CC2D1B: variants seen among roughly 807,000 people sequenced by gnomAD.
The protein encoded by CC2D1B is coiled-coil and C2 domain-containing protein 1B.
CC2D1B carries 92 observed loss-of-function variants against 110.8 expected under a neutral mutation model. That is an observed-to-expected ratio of 0.83 (90% CI 0.70 to 0.99). The LOEUF (loss-of-function observed/expected upper bound fraction) is 0.99, where lower values mean the gene tolerates loss of function less well. Ranked by LOEUF, CC2D1B falls within the 50% of genes least tolerant of loss-of-function variation. CC2D1B has a pLI of 0.00. For synonymous variants in CC2D1B, 406 were observed against 429.2 expected, an observed-to-expected ratio of 0.95 and a Z score of 0.67; for missense variants, 1,136 against 1,089.0, an observed-to-expected ratio of 1.04 and a Z score of -0.61.
At chr1:52,363,481 A>G (rs1646826564) in intron 2 of CC2D1B, among the ~76,000 whole-genome samples, 1 of 152,156 alleles carries the variant, frequency 6.6e-6, no homozygotes, top group Non-Finnish European at 1.5e-5. Context: ...AACCACTGTT[A>G]AGGGTGAGTT....
rs1310671368 is a variant in CC2D1B at position 52,353,080 on chromosome 1, G to C, written c.*145C>G. 5.1e-6 allele frequency: 4 copies of C among 785,536 alleles called. No homozygotes were observed. In the African/African-American group the frequency reaches 7.2e-5, roughly 14 times the overall value. The allele number at this position is 785,536 out of a possible 1,614,324, so 48.7% of individuals were successfully genotyped here. On this transcript the variant is annotated 3_prime_UTR_variant, in exon 25 of 25. Coordinates refer to ENST00000284376, the MANE Select transcript of CC2D1B (RefSeq NM_001330585.2). ...CAACAACAGGAAAGACCAGAGTCGTGGTCAGTAGTGCACATGCTTAACAGG... is the reference window on the plus strand; with the variant it reads ...CAACAACAGGAAAGACCAGAGTCGTCGTCAGTAGTGCACATGCTTAACAGG...
intron 18 of CC2D1B, 101 bp from the exon 19 acceptor site, chr1:52,355,945 G>A: frequency 8.1e-7 from 1 of 1,234,458 alleles, no homozygotes. Flanking sequence ...GTGGTGACGG[G>A]AGGGAAGGCA....
rs200882223 is a variant in CC2D1B at position 52,359,538 on chromosome 1, C to G, written c.943-4G>C. Reference sequence around the variant, plus strand: ...CCTCCAGGACAGCACCGAATCTCTGCAGAAGTTGGAAAAGCAGGTGTGGGT... The same window carrying G: ...CCTCCAGGACAGCACCGAATCTCTGGAGAAGTTGGAAAAGCAGGTGTGGGT... On this transcript the variant is annotated splice_region_variant and splice_polypyrimidine_tract_variant and intron_variant, in intron 8 of 24. Transcript: ENST00000284376. The G allele has an allele frequency of 4.3e-6, 7 of 1,613,286 alleles. No individual in the cohort carries two copies. Among genetic ancestry groups the G allele is most frequent in the Non-Finnish European group, 5.9e-6 (7 of 1,179,774 alleles).
In CC2D1B at chr1:52,355,386, T is replaced by G; in HGVS notation, c.2239+12A>C. ...CTGAGGGAGGAGAAAGAGGCCCACGTGTGGCCCTCACCTGGAGAGTTTGTG... is the reference window on the plus strand; with the variant it reads ...CTGAGGGAGGAGAAAGAGGCCCACGGGTGGCCCTCACCTGGAGAGTTTGTG... On this transcript the variant is annotated intron_variant, in intron 21 of 24. Transcript: ENST00000284376. The G allele has an allele frequency of 6.2e-7, 1 of 1,613,530 alleles. No homozygotes were observed. The highest frequency in any genetic ancestry group is 8.5e-7 in the Non-Finnish European group (1 of 1,179,592).
chr1:52,359,517 C>G lies in CC2D1B; in HGVS notation c.960G>C (p.Leu320=), dbSNP rs138072459. 1 of 1,614,008 alleles carries G rather than the reference C, an allele frequency of 6.2e-7. No individual in the cohort carries two copies. Among genetic ancestry groups the G allele is most frequent in the African/African-American group, 1.3e-5 (1 of 75,064 alleles). ...CGGGCTGCCCCTTCTCCAGGGCCTC[C>G]AGGACAGCACCGAATCTCTGCAGAA... is the stretch of plus-strand genomic sequence containing the variant. ...MRIGKRFGAV[L]EALEKGQPVD... Residue 320 remains leucine (L), a synonymous_variant, in exon 9 of 25, where the codon CTG becomes CTC. Coordinates refer to ENST00000284376, the MANE Select transcript of CC2D1B (RefSeq NM_001330585.2).
At chr1:52,361,264 C>G (rs1646777318) in intron 4 of CC2D1B, 132 bp from the exon 5 acceptor site, 2 of 1,246,894 alleles carry the variant, frequency 1.6e-6, no homozygotes, top group Non-Finnish European at 2.2e-6. Context: ...TCCCCTTCAC[C>G]AAAACATTTC....
intron 24 of CC2D1B, 78 bp from the exon 25 acceptor site, chr1:52,353,301 A>AGAT (rs1646565336): frequency 2.2e-6 from 3 of 1,344,968 alleles, no homozygotes; most frequent in African/African-American, 3.4e-5. Flanking sequence ...GGTTTCCTGA[A>AGAT]GATAGATAGA....
At chr1:52,357,929 G>C (rs764435562) in intron 13 of CC2D1B, 31 bp from the exon 14 acceptor site, 1 of 1,530,352 alleles carries the variant, frequency 6.5e-7, no homozygotes, top group Non-Finnish European at 8.7e-7. Context: ...GTTAGGAGGG[G>C]ATGTGTTCCC....
rs762863626 is a variant in CC2D1B, at chr1:52,361,142, C to G, written c.319-10G>C. 1 of 1,613,772 alleles carries G rather than the reference C, an allele frequency of 6.2e-7. No homozygotes were observed. The highest frequency in any genetic ancestry group is 8.5e-7 in the Non-Finnish European group (1 of 1,179,910). ...CCTCCTGCAGCTCCGTCTAGGGAGACAAAACACAGCCCAGGAGCTTGGGGG... is the reference window on the plus strand; with the variant it reads ...CCTCCTGCAGCTCCGTCTAGGGAGAGAAAACACAGCCCAGGAGCTTGGGGG... On this transcript the variant is annotated splice_polypyrimidine_tract_variant and intron_variant, in intron 4 of 24. Transcript: ENST00000284376.
At chr1:52,357,335 C>T (rs1258748812) in intron 15 of CC2D1B, among the ~76,000 whole-genome samples, 191 bp downstream of exon 15, 1 of 152,246 alleles carries the variant, frequency 6.6e-6, no homozygotes, top group Non-Finnish European at 1.5e-5. Context: ...AGGCAGCCCA[C>T]CTTCCCTTCT....
intron 5 of CC2D1B, 29 bp downstream of exon 5, chr1:52,360,945 A>G (rs769007218): frequency 1.4e-5 from 23 of 1,612,594 alleles, no homozygotes; most frequent in Non-Finnish European, 2.0e-5. Context: ...GGAGCATCAG[A>G]GGCACAGGGG....
intron 13 of CC2D1B, 113 bp from the exon 14 acceptor site, chr1:52,358,011 G>A: frequency 6.9e-7 from 1 of 1,445,952 alleles, no homozygotes; most frequent in Non-Finnish European, 9.2e-7. Flanking sequence ...TGTGACCTGA[G>A]ATGGGTGGCT....
At chr1:52,356,505 A>G in intron 16 of CC2D1B, 63 bp from the exon 17 acceptor site, 1 of 1,568,068 alleles carries the variant, frequency 6.4e-7, no homozygotes, top group Non-Finnish European at 8.8e-7. Flanking sequence ...GTTGGCATTC[A>G]AGGCTAGACT....
chr1:52,354,787 A>C (rs1346736324), intron 22 of CC2D1B, 53 bp downstream of exon 22: 1 of 1,601,822 alleles, frequency 6.2e-7, no homozygotes, highest in East Asian at 2.2e-5. Flanking sequence ...GCAGTGACAA[A>C]CGCTCTTCCC....
Position 52,355,805 on chromosome 1 carries a change from G to T in CC2D1B, c.2094C>A (p.Ile698=). The T allele has an allele frequency of 2.5e-6, 4 of 1,614,128 alleles. No individual in the cohort carries two copies. The highest frequency in any genetic ancestry group is 3.4e-6 in the Non-Finnish European group (4 of 1,180,012). ...CTGGGAGGTTCATTCCCCGGACAAT[G>T]ATCAGATGCATTTCTGTGCTGTTGA... ...SELNSTEMHL[I]IVRGMNLPAP... is the part of the protein sequence containing the mutation. Residue 698 remains isoleucine, a synonymous_variant, in exon 19 of 25, where the codon ATC becomes ATA. Transcript: ENST00000284376.
chr1:52,353,436 G>C, intron 24 of CC2D1B, 82 bp downstream of exon 24: 1 of 1,530,642 alleles, frequency 6.5e-7, no homozygotes, highest in East Asian at 2.3e-5. Context: ...AAACTCCTAG[G>C]TTTTCTCTCC....
At chr1:52,355,937 G>T in intron 18 of CC2D1B, 93 bp from the exon 19 acceptor site, 1 of 1,292,828 alleles carries the variant, frequency 7.7e-7, no homozygotes, top group Non-Finnish European at 1.1e-6. Context: ...CCAGCTGGGT[G>T]GTGACGGGAG....
Position 52,353,563 on chromosome 1 carries a change from T to A in CC2D1B, c.2515A>T (p.Met839Leu). ...AGAACCAGCCAGTTCTCAGTGACCA[T>A]CTGCACATCCTGGCCACTCAGAGGC... ...REPLSGQDVQ[M>L]VTENWLVLEP... Residue 839 changes from methionine to leucine, a missense_variant, in exon 24 of 25, where the codon ATG becomes TTG. Coordinates refer to ENST00000284376, the MANE Select transcript of CC2D1B (RefSeq NM_001330585.2). 1 of 1,614,048 alleles carries A rather than the reference T, an allele frequency of 6.2e-7. No homozygotes were observed. The highest frequency in any genetic ancestry group is 8.5e-7 in the Non-Finnish European group (1 of 1,179,982).
intron 2 of CC2D1B, among the ~76,000 whole-genome samples, chr1:52,363,121 G>A (rs750532274): frequency 4.7e-4 from 72 of 152,278 alleles, no homozygotes; most frequent in Middle Eastern, 3.4e-3. Context: ...TTGGCCAGGC[G>A]CGGTGGCTCA....
Sources: allele counts gnomAD v4.1 joint callset (sites outside exome capture counted in the v4.1 genomes callset), GRCh38; gene constraint gnomAD v4.1.1; transcripts MANE v1.5; gene names NCBI Gene and HGNC (gene_info 2026-07-23, HGNC 2026-07-21).